The following RFT1 variants were observed in gnomAD, a reference collection of about 807,000 sequenced individuals.
RFT1 encodes the protein man(5)GlcNAc(2)-PP-dolichol translocation protein RFT1.
RFT1 carries 43 observed loss-of-function variants against 62.2 expected under a neutral mutation model. The ratio of observed to expected loss-of-function variants is 0.69; its 90% CI spans 0.54 to 0.89. The LOEUF (loss-of-function observed/expected upper bound fraction) is 0.89, where lower values mean the gene tolerates loss of function less well. Ranked by LOEUF, RFT1 falls within the 40% of genes least tolerant of loss-of-function variation. The pLI is 0.00. For synonymous variants in RFT1, 262 were observed against 264.6 expected (o/e 0.99, Z 0.10); for missense variants, 605 against 649.9 (o/e 0.93, Z 0.75).
At position 53,130,395 on chromosome 3, in the gene RFT1, GC is replaced by G. The variant is rs1260080788; in HGVS notation, c.5del (p.Gly2AlafsTer25). The part of the protein sequence containing the change: M[G>X]SQEVLGHAAR... ...CCGCGTGGCCCAGCACCTCCTGGCTGCCCATAGCCTCCGCGCCAGGCTCAGA... is the reference window on the plus strand; with the variant it reads ...CCGCGTGGCCCAGCACCTCCTGGCTGCCATAGCCTCCGCGCCAGGCTCAGA... On this transcript the variant is annotated frameshift_variant, in exon 1 of 13. Coordinates refer to ENST00000296292, the MANE Select transcript of RFT1 (RefSeq NM_052859.4). LOFTEE classifies it high-confidence loss of function. 6.4e-7 allele frequency: 1 copy of G among 1,554,482 alleles called. No homozygotes were observed. Among genetic ancestry groups the G allele is most frequent in the African/African-American group, 1.4e-5 (1 of 73,248 alleles).
At chr3:53,107,496 T>C (rs750708553) in intron 7 of RFT1, among the ~76,000 whole-genome samples, 3 of 151,896 alleles carry the variant, frequency 2.0e-5, no homozygotes, top group Non-Finnish European at 4.4e-5. Context: ...ATGAAGATGA[T>C]AGTCCCAAGT....
chr3:53,070,707 G>T, the RFT1 span, among the ~76,000 whole-genome samples: 1 of 151,630 alleles, frequency 6.6e-6, no homozygotes, highest in African/African-American at 2.4e-5. Flanking sequence ...ATGCATTCAT[G>T]TATTTCTTAT....
At chr3:53,070,789 C>T in the RFT1 span, among the ~76,000 whole-genome samples, 21 of 151,794 alleles carry the variant, frequency 1.4e-4, no homozygotes, top group African/African-American at 5.1e-4. Flanking sequence ...GTAATCCCAG[C>T]ACTTTGGGAG....
intron 11 of RFT1, among the ~76,000 whole-genome samples, chr3:53,097,203 C>G (rs887697503): frequency 6.6e-6 from 1 of 151,930 alleles, no homozygotes; most frequent in Non-Finnish European, 1.5e-5. Flanking sequence ...TATAAAAATC[C>G]TTGCTAGAGT....
At chr3:53,094,530 C>T (rs1701087982) in intron 11 of RFT1, among the ~76,000 whole-genome samples, 1 of 151,986 alleles carries the variant, frequency 6.6e-6, no homozygotes, top group East Asian at 1.9e-4. Context: ...AGTTTTTTCA[C>T]TACTAATCAG....
At chr3:53,067,321 G>A in the RFT1 span, among the ~76,000 whole-genome samples, 2 of 152,200 alleles carry the variant, frequency 1.3e-5, no homozygotes, top group African/African-American at 2.4e-5. Context: ...ACTGCACTAC[G>A]GAAGGAGAAC....
At chr3:53,114,579 T>C (rs6787566) in intron 6 of RFT1, among the ~76,000 whole-genome samples, 4,911 of 152,134 alleles carry the variant, frequency 0.032, 296 homozygotes, top group African/African-American at 0.11. Context: ...TGGTGGACTG[T>C]TACCATTCTA....
intron 6 of RFT1, among the ~76,000 whole-genome samples, chr3:53,116,796 G>GT (rs1286678081): frequency 1.3e-5 from 2 of 151,486 alleles, no homozygotes; most frequent in Non-Finnish European, 2.9e-5. Context: ...TAGAGACGGG[G>GT]TTTCACCATG....
chr3:53,111,064 G>C (rs1701634433), intron 7 of RFT1, among the ~76,000 whole-genome samples: 1 of 151,974 alleles, frequency 6.6e-6, no homozygotes, highest in Non-Finnish European at 1.5e-5. Flanking sequence ...TTAGGGAATT[G>C]ACATAATTTT....
At chr3:53,124,196 C>CGG (rs572442602) in intron 2 of RFT1, among the ~76,000 whole-genome samples, 54 of 152,286 alleles carry the variant, frequency 3.5e-4, no homozygotes, top group Middle Eastern at 6.8e-3. Flanking sequence ...CACACTGACA[C>CGG]GAGTGACCGA....
intron 1 of RFT1, among the ~76,000 whole-genome samples, chr3:53,129,834 T>A (rs1702209601): frequency 6.6e-6 from 1 of 152,188 alleles, no homozygotes; most frequent in Non-Finnish European, 1.5e-5. Context: ...TACCCCCATT[T>A]TACTAGTGAG....
intron 10 of RFT1, chr3:53,103,735 G>T: frequency 1.7e-6 from 1 of 591,606 alleles, no homozygotes; most frequent in Non-Finnish European, 3.1e-6. Flanking sequence ...TCCAAGTGAG[G>T]CTGGGGAAGC....
intron 11 of RFT1, among the ~76,000 whole-genome samples, chr3:53,098,801 CAAAAAAAAAAAAAA>C (rs35371104): frequency 1.7e-5 from 1 of 57,634 alleles, no homozygotes; most frequent in African/African-American, 7.6e-5. Context: ...GACTCCATCT[CAAAAAAAAAAAAAA>C]AAAAAAAAAA....
chr3:53,093,607 G>T (rs962343076), intron 11 of RFT1, among the ~76,000 whole-genome samples: 12 of 152,150 alleles, frequency 7.9e-5, no homozygotes, highest in African/African-American at 2.9e-4. Context: ...CACATGAGGG[G>T]TCGTCAGAAA....
At chr3:53,112,708 A>G (rs1229352872) in intron 6 of RFT1, among the ~76,000 whole-genome samples, 1 of 152,214 alleles carries the variant, frequency 6.6e-6, no homozygotes, top group African/African-American at 2.4e-5. Context: ...GCACCACTGA[A>G]CTTCAGCCTG....
At chr3:53,115,135 T>C (rs1304706247) in intron 6 of RFT1, among the ~76,000 whole-genome samples, 1 of 152,212 alleles carries the variant, frequency 6.6e-6, no homozygotes, top group African/African-American at 2.4e-5. Context: ...ATGAGCTTTT[T>C]TTGCTTCTTA....
At chr3:53,070,302 C>A in the RFT1 span, among the ~76,000 whole-genome samples, 2 of 150,486 alleles carry the variant, frequency 1.3e-5, no homozygotes, top group Non-Finnish European at 2.9e-5. Flanking sequence ...GTAATCCCAG[C>A]ACTTTGGGAG....
Position 53,099,496 on chromosome 3 carries a change from A to C in RFT1, c.1103-10T>G. 2 of 1,611,082 alleles carry C rather than the reference A, an allele frequency of 1.2e-6. No individual in the cohort carries two copies. Among genetic ancestry groups the C allele is most frequent in the Non-Finnish European group, 1.7e-6 (2 of 1,177,408 alleles). ...CGCAGCAAAACAGGACCTACAAGGA[A>C]ACAACTCACTGAGACTCCAGAGCCC... On this transcript the variant is annotated splice_polypyrimidine_tract_variant and intron_variant, in intron 10 of 12. Transcript: ENST00000296292.
At chr3:53,117,591 G>A (rs1284310774) in intron 6 of RFT1, among the ~76,000 whole-genome samples, 1 of 152,198 alleles carries the variant, frequency 6.6e-6, no homozygotes, top group Non-Finnish European at 1.5e-5. Flanking sequence ...CGCAGTCTGG[G>A]CATGGGTACT....
Sources: allele counts gnomAD v4.1 joint callset (sites outside exome capture counted in the v4.1 genomes callset), GRCh38; gene constraint gnomAD v4.1.1; transcripts MANE v1.5; gene names NCBI Gene and HGNC (gene_info 2026-07-23, HGNC 2026-07-21).